Variants in OPCML observed in about 807,000 individuals in gnomAD.
OPCML encodes opioid binding protein/cell adhesion molecule like.
Under a neutral mutation model 37.8 loss-of-function variants are expected in OPCML, and 13 were observed. The ratio of observed to expected loss-of-function variants is 0.34; its 90% CI spans 0.22 to 0.55. The LOEUF (loss-of-function observed/expected upper bound fraction) is 0.55, where lower values mean the gene tolerates loss of function less well. Ranked by LOEUF, OPCML falls within the 20% of genes least tolerant of loss-of-function variation. The pLI is 0.91. For synonymous variants in OPCML, 176 were observed against 168.8 expected, an observed-to-expected ratio of 1.04 and a Z score of -0.33; for missense variants, 341 against 435.6, an observed-to-expected ratio of 0.78 and a Z score of 1.93.
intron 1 of OPCML, among the ~76,000 whole-genome samples, chr11:133,281,893 T>A (rs987505773): frequency 1.3e-4 from 20 of 152,180 alleles, no homozygotes; most frequent in African/African-American, 4.3e-4. Context: ...CCTAGGGATC[T>A]GTGAAAGGTT....
chr11:133,054,597 A>T (rs1948188658), intron 1 of OPCML, among the ~76,000 whole-genome samples: 1 of 152,204 alleles, frequency 6.6e-6, no homozygotes, highest in Non-Finnish European at 1.5e-5. Context: ...AGGGGCATAG[A>T]CGAAACACTT....
intron 2 of OPCML, among the ~76,000 whole-genome samples, chr11:132,780,816 A>T (rs1202997155): frequency 6.6e-6 from 1 of 152,228 alleles, no homozygotes; most frequent in African/African-American, 2.4e-5. Flanking sequence ...AGTTGCAAAT[A>T]ACACTGTCTT....
At chr11:132,824,087 C>T (rs1270543363) in intron 2 of OPCML, among the ~76,000 whole-genome samples, 1 of 152,174 alleles carries the variant, frequency 6.6e-6, no homozygotes, top group Non-Finnish European at 1.5e-5. Context: ...GATGCTGCAG[C>T]CTTTCCAGTT....
At chr11:132,774,864 AC>A (rs1052179045) in intron 2 of OPCML, among the ~76,000 whole-genome samples, 1 of 152,130 alleles carries the variant, frequency 6.6e-6, no homozygotes, top group Admixed American at 6.6e-5. Context: ...CATCACACTG[AC>A]CACACTGTAT....
intron 1 of OPCML, among the ~76,000 whole-genome samples, chr11:133,523,752 T>G (rs1294132097): frequency 6.6e-6 from 1 of 152,194 alleles, no homozygotes; most frequent in African/African-American, 2.4e-5. Context: ...GGTGGGAGAA[T>G]GTGCTCTGAT....
chr11:132,571,501 T>G (rs2096438346), intron 3 of OPCML, among the ~76,000 whole-genome samples: 1 of 152,212 alleles, frequency 6.6e-6, no homozygotes. Context: ...CTCAGATATC[T>G]CATATAAGTG....
In OPCML at chr11:133,276,429, G is replaced by C. The variant is rs558175453; in HGVS notation, c.61+255835C>G. On this transcript the variant is annotated intron_variant, in intron 1 of 7. Transcript: ENST00000524381. Reference sequence around the variant, plus strand: ...AGTGGGGTCAACTCTCAGCAGGAAGGATAGAGGGTGAGGTTTGCAACAGCC... The same window carrying C: ...AGTGGGGTCAACTCTCAGCAGGAAGCATAGAGGGTGAGGTTTGCAACAGCC... 7.2e-5 allele frequency among the ~76,000 whole-genome samples: 11 copies of C among 152,262 alleles called. No homozygotes were observed. The South Asian group carries it at 2.3e-3, about 32-fold the overall frequency.
At position 132,896,600 on chromosome 11, in the gene OPCML, A is replaced by G. The variant is rs1456319543; in HGVS notation, c.146+46326T>C. On this transcript the variant is annotated intron_variant, in intron 2 of 7. Transcript: ENST00000524381. ...CTTCAGCTGGCAAGGCCAGCAATAC[A>G]CCCTCACTGTCTTACATCAGAGATA... Among the ~76,000 whole-genome samples, 4 of 152,082 alleles carry G rather than the reference A, an allele frequency of 2.6e-5. No individual in the cohort carries two copies. The East Asian group carries it at 7.7e-4, about 29-fold the overall frequency.
At chr11:132,638,104 A>G (rs980358437) in intron 3 of OPCML, among the ~76,000 whole-genome samples, 1 of 151,054 alleles carries the variant, frequency 6.6e-6, no homozygotes, top group African/African-American at 2.4e-5. Flanking sequence ...GGAGAAGCAT[A>G]GTATTAGATG....
Position 133,211,427 on chromosome 11 carries a change from G to A in OPCML, c.62-268417C>T, listed in dbSNP as rs990135798. On this transcript the variant is annotated intron_variant, in intron 1 of 7. Transcript: ENST00000524381. This position sits in a 1 kb window ranked among gnomAD's most constrained non-coding sequence, Gnocchi z 4.1. ...GGCTTCAGAGCCTTGCACCTGTCAG[G>A]GATGGGTTTCCTGCACTACAATAAG... Among the ~76,000 whole-genome samples, 3 of 152,172 alleles carry A rather than the reference G, an allele frequency of 2.0e-5. No homozygotes were observed. The highest frequency in any genetic ancestry group is 4.4e-5 in the Non-Finnish European group (3 of 68,034).
At chr11:132,723,550 T>C (rs984661296) in intron 2 of OPCML, among the ~76,000 whole-genome samples, 8 of 145,672 alleles carry the variant, frequency 5.5e-5, no homozygotes, top group Non-Finnish European at 7.4e-5. Context: ...TCGGTAATTT[T>C]AGTGATTTTT....
At chr11:132,824,414 T>C in intron 2 of OPCML, among the ~76,000 whole-genome samples, 1 of 152,222 alleles carries the variant, frequency 6.6e-6, no homozygotes, top group East Asian at 1.9e-4. Context: ...CTAAGCCAAG[T>C]CAGCCTCAGT....
intron 1 of OPCML, chr11:133,024,272 T>A (rs1947507267): frequency 1.1e-6 from 1 of 879,594 alleles, no homozygotes; most frequent in African/African-American, 1.8e-5. Context: ...AGAAAAAGCT[T>A]CTAGAGCAAG....
chr11:133,114,978 G>A (rs1327608317), intron 1 of OPCML, among the ~76,000 whole-genome samples: 1 of 152,188 alleles, frequency 6.6e-6, no homozygotes, highest in Non-Finnish European at 1.5e-5. Flanking sequence ...TCTTTTATCT[G>A]TTGGTATTTT....
chr11:133,006,227 G>T (rs773581936), intron 1 of OPCML: 1 of 661,330 alleles, frequency 1.5e-6, no homozygotes. Flanking sequence ...GTCTTCCTGC[G>T]TGGAACCTGG....
intron 1 of OPCML, among the ~76,000 whole-genome samples, chr11:133,312,280 C>A (rs1479923063): frequency 6.6e-6 from 1 of 152,138 alleles, no homozygotes; most frequent in African/African-American, 2.4e-5. Context: ...ATATGCTTCC[C>A]CCCAAAAGAA....
intron 1 of OPCML, among the ~76,000 whole-genome samples, chr11:133,042,031 G>A (rs986364218): frequency 7.2e-5 from 11 of 152,108 alleles, no homozygotes; most frequent in Admixed American, 3.9e-4. Context: ...TCAGCATGCC[G>A]TGCAGAGCTG....
chr11:133,454,473 G>A (rs1220696640), intron 1 of OPCML, among the ~76,000 whole-genome samples: 1 of 152,150 alleles, frequency 6.6e-6, no homozygotes, highest in Admixed American at 6.5e-5. Flanking sequence ...TTGGAAAATA[G>A]GATCAATATT....
At chr11:132,883,666 G>T (rs61906896) in intron 2 of OPCML, among the ~76,000 whole-genome samples, 42,143 of 151,970 alleles carry the variant, frequency 0.28, 6,707 homozygotes, top group Non-Finnish European at 0.36. Flanking sequence ...AAGATGAGAG[G>T]CGATGGGACA....
Sources: gnomAD v4.1 joint callset for allele counts (sites outside exome capture counted in the v4.1 genomes callset) on GRCh38, gnomAD v4.1.1 for gene constraint, Gnocchi (gnomAD v3.1) non-coding constraint, MANE v1.5 for transcripts, NCBI Gene and HGNC (gene_info 2026-07-23, HGNC 2026-07-21) for gene names.